The following USP32 variants were observed in gnomAD, a reference collection of about 807,000 sequenced individuals.
USP32 encodes the protein ubiquitin specific peptidase 32, also known as ubiquitin carboxyl-terminal hydrolase 32.
Under a neutral mutation model 204.8 loss-of-function variants are expected in USP32, and 59 were observed. The observed-to-expected ratio is 0.29, with a 90% CI of 0.23 to 0.36. The LOEUF (loss-of-function observed/expected upper bound fraction) is 0.36. Among genes scored for constraint, USP32 ranks in the 10% least tolerant of loss-of-function variants. The probability of loss-of-function intolerance (pLI) is 1.00; values close to 1 mark genes in which losing one functional copy is unlikely to be tolerated. For synonymous variants in USP32, 517 were observed against 678.4 expected (o/e 0.76, Z 3.70); for missense variants, 1,160 against 1,946.4 (o/e 0.60, Z 7.60).
At chr17:60,261,661 A>T (rs1320033312) in intron 9 of USP32, among the ~76,000 whole-genome samples, 4 of 152,088 alleles carry the variant, frequency 2.6e-5, no homozygotes, top group African/African-American at 9.7e-5. Context: ...CAAAAATAAA[A>T]ACAAAAACAA....
At chr17:60,262,338 C>T (rs542772359) in intron 9 of USP32, among the ~76,000 whole-genome samples, 1 of 152,208 alleles carries the variant, frequency 6.6e-6, no homozygotes, top group South Asian at 2.1e-4. Context: ...ATTACAGATG[C>T]CCAACACCAT....
intron 12 of USP32, among the ~76,000 whole-genome samples, chr17:60,228,501 C>CTT (rs1018176786): frequency 9.6e-6 from 1 of 104,116 alleles, no homozygotes; most frequent in Non-Finnish European, 1.8e-5. Flanking sequence ...TTTTCTTTTT[C>CTT]TTTTTTTTTT....
chr17:60,202,904 A>G (rs1313169903), intron 26 of USP32, among the ~76,000 whole-genome samples: 2 of 148,282 alleles, frequency 1.3e-5, no homozygotes, highest in East Asian at 1.9e-4. Flanking sequence ...CCTAAATTCA[A>G]TAAGTATCCT....
At chr17:60,180,960 A>G (rs2084095871) in intron 32 of USP32, among the ~76,000 whole-genome samples, 2 of 151,850 alleles carry the variant, frequency 1.3e-5, no homozygotes, top group East Asian at 1.9e-4. Context: ...ACAACTCTCT[A>G]AAGACTTGAC....
rs191743823 is a variant in USP32, at chr17:60,252,126, G to C, written c.1136+255C>G. ...CATATTTTTGTACTAAAGAAAACTG[G>C]CTACCTTTTATCTCATTTCAAAAAA... On this transcript the variant is annotated intron_variant, in intron 11 of 33. Coordinates refer to ENST00000300896, the MANE Select transcript of USP32 (RefSeq NM_032582.4). 2.0e-5 allele frequency among the ~76,000 whole-genome samples: 3 copies of C among 151,924 alleles called. No homozygotes were observed. In the East Asian group the frequency reaches 5.8e-4, roughly 29 times the overall value.
At chr17:60,357,108 A>G (rs1471490155) in intron 1 of USP32, among the ~76,000 whole-genome samples, 1 of 152,174 alleles carries the variant, frequency 6.6e-6, no homozygotes, top group Non-Finnish European at 1.5e-5. Flanking sequence ...AACAATTGCA[A>G]AATTTGAAGA....
At chr17:60,357,958 G>A (rs1567872610) in intron 1 of USP32, among the ~76,000 whole-genome samples, 1 of 151,630 alleles carries the variant, frequency 6.6e-6, no homozygotes, top group African/African-American at 2.4e-5. Context: ...AGTAGAGATG[G>A]GGTTTTCACC....
At chr17:60,236,055 G>T in intron 12 of USP32, 83 bp downstream of exon 12, 1 of 1,081,150 alleles carries the variant, frequency 9.2e-7, no homozygotes. Context: ...TTGGCTGGTA[G>T]TCATAGCATT....
intron 30 of USP32, among the ~76,000 whole-genome samples, chr17:60,183,687 G>A (rs1394840362): frequency 1.3e-5 from 2 of 152,244 alleles, no homozygotes; most frequent in Non-Finnish European, 2.9e-5. Flanking sequence ...GCACAGCCAC[G>A]TGACTGCGCA....
At chr17:60,388,663 T>C (rs1317916803) in intron 1 of USP32, among the ~76,000 whole-genome samples, 2 of 152,182 alleles carry the variant, frequency 1.3e-5, no homozygotes, top group Non-Finnish European at 2.9e-5. Flanking sequence ...CCTTGTGTTT[T>C]ACTCAAAATA....
At chr17:60,231,519 T>C (rs760366174) in intron 12 of USP32, 3 of 510,464 alleles carry the variant, frequency 5.9e-6, no homozygotes, top group Non-Finnish European at 3.9e-6. Flanking sequence ...CAACTACACA[T>C]GTCTGAGGCA....
intron 1 of USP32, among the ~76,000 whole-genome samples, chr17:60,363,131 T>A (rs981252869): frequency 2.6e-5 from 4 of 151,668 alleles, no homozygotes; most frequent in African/African-American, 4.8e-5. Context: ...CTCTATTTTT[T>A]AAAAAATATT....
At chr17:60,234,289 A>G (rs574553801) in intron 12 of USP32, among the ~76,000 whole-genome samples, 4 of 150,462 alleles carry the variant, frequency 2.7e-5, no homozygotes, top group African/African-American at 9.8e-5. Flanking sequence ...AATTTGTTGT[A>G]TTTTCAGTAG....
At chr17:60,293,916 T>C (rs2087353145) in intron 4 of USP32, among the ~76,000 whole-genome samples, 1 of 152,210 alleles carries the variant, frequency 6.6e-6, no homozygotes, top group African/African-American at 2.4e-5. Flanking sequence ...CTACAATCAC[T>C]AAGGACTTGT....
intron 5 of USP32, among the ~76,000 whole-genome samples, chr17:60,273,961 CA>C (rs35639109): frequency 6.7e-3 from 282 of 42,270 alleles, no homozygotes; most frequent in Middle Eastern, 0.013. Context: ...GACTCAGTCT[CA>C]AAAAAAAAAA....
intron 1 of USP32, among the ~76,000 whole-genome samples, chr17:60,406,845 TC>T (rs992258219): frequency 1.9e-4 from 29 of 152,162 alleles, no homozygotes; most frequent in African/African-American, 6.0e-4. Context: ...TTTTTCAAAC[TC>T]CATTTTGTAA....
At chr17:60,256,151 C>A (rs1427494137) in intron 9 of USP32, among the ~76,000 whole-genome samples, 1 of 150,958 alleles carries the variant, frequency 6.6e-6, no homozygotes, top group East Asian at 1.9e-4. Context: ...CCAGCCTGGG[C>A]AACTAGCAAG....
At chr17:60,345,740 G>A (rs977676603) in intron 1 of USP32, 132 bp from the exon 2 acceptor site, 9 of 1,146,844 alleles carry the variant, frequency 7.8e-6, no homozygotes, top group Non-Finnish European at 1.1e-5. Flanking sequence ...CCAGTACTTT[G>A]GAAGGCCAAG....
At chr17:60,214,842 G>A (rs2085062265) in intron 16 of USP32, 68 bp from the exon 17 acceptor site, 11 of 1,596,750 alleles carry the variant, frequency 6.9e-6, no homozygotes, top group Non-Finnish European at 9.4e-6. Flanking sequence ...CTCAGCAATG[G>A]GGACCATACT....
Sources: gnomAD v4.1 joint callset for allele counts (sites outside exome capture counted in the v4.1 genomes callset) on GRCh38, gnomAD v4.1.1 for gene constraint, MANE v1.5 for transcripts, NCBI Gene and HGNC (gene_info 2026-07-23, HGNC 2026-07-21) for gene names.